Variants in MACROD2 observed in about 807,000 individuals in gnomAD.
The protein encoded by MACROD2 is ADP-ribose glycohydrolase MACROD2.
In MACROD2, 36 loss-of-function variants were observed where a neutral mutation model predicts 70.4. That is an observed-to-expected ratio of 0.51 (90% CI 0.39 to 0.68). The LOEUF is 0.68. MACROD2 is among the 30% of genes least tolerant of loss of function. The pLI, the probability that MACROD2 is intolerant of heterozygous loss-of-function variation, is 0.00. For missense variants in MACROD2, 496 were observed against 538.4 expected (o/e 0.92, Z 0.78); for synonymous variants, 172 against 178.8 (o/e 0.96, Z 0.30).
At chr20:15,416,276 CCTTTT>C (rs887594186) in intron 6 of MACROD2, among the ~76,000 whole-genome samples, 9 of 152,172 alleles carry the variant, frequency 5.9e-5, no homozygotes, top group Admixed American at 2.6e-4. Context: ...ATTTCTTTCT[CCTTTT>C]CTTTTCTTGC....
chr20:14,884,137 C>T (rs982444186), intron 5 of MACROD2: 2 of 152,208 alleles, frequency 1.3e-5, no homozygotes, highest in African/African-American at 4.8e-5. Flanking sequence ...GCAACCACAA[C>T]TGCTTAACCC....
intron 6 of MACROD2, among the ~76,000 whole-genome samples, chr20:15,328,942 T>C (rs2077962217): frequency 6.6e-6 from 1 of 152,110 alleles, no homozygotes; most frequent in African/African-American, 2.4e-5. Context: ...AGAAATGATC[T>C]AAATATACAG....
chr20:14,643,035 A>G (rs1240615286), intron 4 of MACROD2, among the ~76,000 whole-genome samples: 1 of 152,180 alleles, frequency 6.6e-6, no homozygotes, highest in Non-Finnish European at 1.5e-5. Context: ...CTTAGGTTGA[A>G]TATTAATAAA....
chr20:15,869,210 C>CATTATATATATAT (rs1555788799), intron 9 of MACROD2, among the ~76,000 whole-genome samples: 1 of 51,906 alleles, frequency 1.9e-5, no homozygotes, highest in African/African-American at 5.9e-5. Flanking sequence ...ATGTGATTAA[C>CATTATATATATAT]ATATATATAT....
At chr20:14,193,102 T>C (rs185687740) in intron 3 of MACROD2, among the ~76,000 whole-genome samples, 23 of 152,308 alleles carry the variant, frequency 1.5e-4, no homozygotes, top group Admixed American at 7.2e-4. Context: ...TACAATCTTA[T>C]CTGGTAGAAG....
intron 8 of MACROD2, among the ~76,000 whole-genome samples, chr20:15,658,673 C>A (rs768306368): frequency 2.0e-5 from 3 of 152,310 alleles, no homozygotes; most frequent in South Asian, 2.1e-4. Context: ...TAGCCCCCTA[C>A]GGGCTTATTT....
chr20:15,283,852 T>C (rs977754514), intron 6 of MACROD2, among the ~76,000 whole-genome samples: 1 of 152,144 alleles, frequency 6.6e-6, no homozygotes. Flanking sequence ...GTAGAAACAA[T>C]AGGATAATAA....
intron 3 of MACROD2, among the ~76,000 whole-genome samples, chr20:14,406,877 C>A (rs1283565488): frequency 1.3e-5 from 2 of 152,138 alleles, no homozygotes; most frequent in East Asian, 3.8e-4. Context: ...AGTTTCATTT[C>A]TTTGTAGGAA....
intron 3 of MACROD2, among the ~76,000 whole-genome samples, chr20:14,388,144 G>A (rs2122792741): frequency 6.6e-6 from 1 of 151,830 alleles, no homozygotes; most frequent in Non-Finnish European, 1.5e-5. Context: ...TGAGTAGCTG[G>A]GACTATAGGC....
intron 5 of MACROD2, among the ~76,000 whole-genome samples, chr20:14,964,418 A>G (rs551216586): frequency 6.6e-6 from 1 of 151,836 alleles, no homozygotes; most frequent in East Asian, 2.0e-4. Flanking sequence ...TAAAAATACA[A>G]AAAAATTAGC....
At chr20:15,035,002 A>T (rs2075302604) in intron 5 of MACROD2, among the ~76,000 whole-genome samples, 1 of 152,168 alleles carries the variant, frequency 6.6e-6, no homozygotes, top group Non-Finnish European at 1.5e-5. Flanking sequence ...ATGTGTCAGT[A>T]AAAATTTTAG....
intron 8 of MACROD2, among the ~76,000 whole-genome samples, chr20:15,551,868 CAA>C (rs5840671): frequency 0.095 from 11,519 of 121,646 alleles, 687 homozygotes; most frequent in African/African-American, 0.21. Flanking sequence ...GACCCTGCCT[CAA>C]AAAAAAAAAA....
chr20:15,132,364 T>C (rs1208904229), intron 5 of MACROD2, among the ~76,000 whole-genome samples: 1 of 151,990 alleles, frequency 6.6e-6, no homozygotes, highest in African/African-American at 2.4e-5. Context: ...ATAAAATCGA[T>C]AAAAAGTTAA....
intron 3 of MACROD2, among the ~76,000 whole-genome samples, chr20:14,475,978 G>C (rs2123058256): frequency 6.6e-6 from 1 of 152,108 alleles, no homozygotes; most frequent in South Asian, 2.1e-4. Flanking sequence ...GGATCAATTT[G>C]AATGAAAACA....
intron 8 of MACROD2, among the ~76,000 whole-genome samples, chr20:15,559,981 GT>G (rs1411552273): frequency 6.6e-6 from 1 of 152,176 alleles, no homozygotes; most frequent in Non-Finnish European, 1.5e-5. Context: ...AGTTATGATG[GT>G]TTATTATTCT....
intron 5 of MACROD2, among the ~76,000 whole-genome samples, chr20:15,152,189 T>C (rs188683990): frequency 3.9e-5 from 6 of 152,106 alleles, no homozygotes; most frequent in East Asian, 1.9e-4. Context: ...CAAGTTTGTA[T>C]TGGGGTCAAG....
chr20:15,442,627 A>G (rs2146377473), intron 7 of MACROD2, among the ~76,000 whole-genome samples: 1 of 152,262 alleles, frequency 6.6e-6, no homozygotes, highest in South Asian at 2.1e-4. Context: ...AATGTCTGCA[A>G]AGGAGGTTGG....
chr20:15,996,795 GT>G (rs2066638590), intron 15 of MACROD2, among the ~76,000 whole-genome samples: 1 of 152,070 alleles, frequency 6.6e-6, no homozygotes, highest in African/African-American at 2.4e-5. Context: ...ACATTGAGAA[GT>G]TTTTTCCTAT....
chr20:14,752,009 T>C (rs2071878464), intron 5 of MACROD2, among the ~76,000 whole-genome samples: 1 of 151,606 alleles, frequency 6.6e-6, no homozygotes. Context: ...TTTCCTCCCA[T>C]CCCTCTGGCT....
Sources: gnomAD v4.1 joint callset for allele counts (sites outside exome capture counted in the v4.1 genomes callset) on GRCh38, gnomAD v4.1.1 for gene constraint, MANE v1.5 for transcripts, NCBI Gene and HGNC (gene_info 2026-07-23, HGNC 2026-07-21) for gene names.